RND1: variants seen among roughly 807,000 people sequenced by gnomAD.
The protein encoded by RND1 is Rho family GTPase 1.
Under a neutral mutation model 27.1 loss-of-function variants are expected in RND1, and 9 were observed. The ratio of observed to expected loss-of-function variants is 0.33; its 90% CI spans 0.20 to 0.58. The LOEUF is 0.58. Ranked by LOEUF, RND1 falls within the 20% of genes least tolerant of loss-of-function variation. The pLI, the probability that RND1 is intolerant of heterozygous loss-of-function variation, is 0.86. For missense variants in RND1, 253 were observed against 292.2 expected (o/e 0.87, Z 0.98); for synonymous variants, 108 against 115.7 (o/e 0.93, Z 0.43).
chr12:48,858,210 T>G lies in RND1; in HGVS notation c.485A>C (p.Glu162Ala). 6.2e-7 allele frequency: 1 copy of G among 1,614,046 alleles called. No individual in the cohort carries two copies. Among genetic ancestry groups the G allele is most frequent in the Non-Finnish European group, 8.5e-7 (1 of 1,179,984 alleles). The change falls in exon 5 of 5, where the codon GAA becomes GCA. Residue 162 changes from glutamate (E) to alanine (A), a missense_variant. By Grantham distance (107) the Glu-to-Ala change is moderately radical (BLOSUM62 -1). Transcript: ENST00000309739. ...GAAAGCTGAGCCTTCCAGGTAGATT[T>G]CTGCACCCAGCTGCTTTGCTATTGC... ...GCAIAKQLGA[E>A]IYLEGSAFTS... is the part of the protein sequence containing the mutation.
At chr12:48,859,577 A>G (rs554655855) in intron 4 of RND1, among the ~76,000 whole-genome samples, 9 of 152,038 alleles carry the variant, frequency 5.9e-5, no homozygotes, top group African/African-American at 2.2e-4. Flanking sequence ...GAAATTATCC[A>G]GGGGTCTTAT....
At position 48,865,546 on chromosome 12, in the gene RND1, G is replaced by C. The variant is rs544927487; in HGVS notation, c.120+102C>G. The C allele has an allele frequency of 3.0e-6, 4 of 1,351,310 alleles. No homozygotes were observed. In the African/African-American group the frequency reaches 4.3e-5, roughly 15 times the overall value. 83.7% of individuals were successfully genotyped at this position (1,351,310 alleles called of 1,614,324 possible). On this transcript the variant is annotated intron_variant, in intron 1 of 4. Transcript: ENST00000309739. ...AAAGCCTCAGAAAGCGGCTGAGGAT[G>C]GGCTGGGGCTGGGGGAGCCACGTCT...
intron 2 of RND1, among the ~76,000 whole-genome samples, chr12:48,864,385 G>GTA (rs1938955912): frequency 3.8e-5 from 1 of 26,562 alleles, no homozygotes. Context: ...GAAGTAAAAG[G>GTA]TGTGTGTGTG....
chr12:48,865,550 T>C (rs1565684289), intron 1 of RND1, 98 bp downstream of exon 1: 1 of 1,405,664 alleles, frequency 7.1e-7, no homozygotes, highest in Admixed American at 2.0e-5. Flanking sequence ...GAGGATGGGC[T>C]GGGGCTGGGG....
chr12:48,865,613 A>G, intron 1 of RND1, 35 bp downstream of exon 1: 1 of 1,589,740 alleles, frequency 6.3e-7, no homozygotes, highest in Non-Finnish European at 8.6e-7. Flanking sequence ...GCAGGCAGGG[A>G]GAAAAGCCGG....
intron 2 of RND1, among the ~76,000 whole-genome samples, chr12:48,862,744 T>C (rs1399848874): frequency 6.6e-6 from 1 of 152,128 alleles, no homozygotes; most frequent in Non-Finnish European, 1.5e-5. Flanking sequence ...GCAGCACCGA[T>C]GGCTGGGGAT....
chr12:48,860,329 C>T (rs78606364), intron 4 of RND1, among the ~76,000 whole-genome samples: 10,522 of 152,034 alleles, frequency 0.069, 1,137 homozygotes, highest in East Asian at 0.55. Context: ...AGTGATCCAT[C>T]GGCCTTGGCC....
At chr12:48,860,972 G>T (rs1398205640) in intron 4 of RND1, 25 bp downstream of exon 4, 2 of 1,612,156 alleles carry the variant, frequency 1.2e-6, no homozygotes, top group Admixed American at 1.7e-5. Flanking sequence ...TCCACCCCAC[G>T]ACATGCACTT....
intron 3 of RND1, 57 bp downstream of exon 3, chr12:48,861,952 C>A: frequency 9.9e-7 from 1 of 1,012,362 alleles, no homozygotes; most frequent in Non-Finnish European, 1.6e-6. Context: ...GACAAGGTCC[C>A]GATTCCTTCT....
intron 4 of RND1, among the ~76,000 whole-genome samples, chr12:48,860,557 ATTTTTTTT>A (rs34655698): frequency 5.7e-5 from 4 of 70,648 alleles, no homozygotes; most frequent in African/African-American, 1.2e-4. Context: ...ACACCCAGCT[ATTTTTTTT>A]TTTTTTTTTT....
intron 1 of RND1, 196 bp downstream of exon 1, chr12:48,865,452 G>C (rs748179821): frequency 3.2e-6 from 2 of 626,944 alleles, no homozygotes; most frequent in Non-Finnish European, 5.7e-6. Flanking sequence ...CGGGGCGGCA[G>C]AAGTGGAACA....
intron 4 of RND1, chr12:48,858,795 G>A (rs1207619599): frequency 6.7e-6 from 1 of 149,896 alleles, no homozygotes; most frequent in Non-Finnish European, 1.5e-5. Flanking sequence ...GATCCCTTGA[G>A]CCCAGGAGTT....
chr12:48,858,162 C>A lies in RND1; in HGVS notation c.533G>T (p.Ser178Ile). Residue 178 changes from serine (S) to isoleucine (I), a missense_variant, in exon 5 of 5, where the codon AGC becomes ATC. By Grantham distance (142) the Ser-to-Ile change is moderately radical. Coordinates refer to ENST00000309739, the MANE Select transcript of RND1 (RefSeq NM_014470.4). ...SAFTSEKSIH[S>I]IFRTASMLCL... Reference sequence around the variant, plus strand: ...CAGCATGGATGCCGTCCGAAAGATGCTGTGGATGCTCTTTTCTGAGGTGAA... The same window carrying A: ...CAGCATGGATGCCGTCCGAAAGATGATGTGGATGCTCTTTTCTGAGGTGAA... The A allele has an allele frequency of 6.2e-7, 1 of 1,614,130 alleles. No individual in the cohort carries two copies. Among genetic ancestry groups the A allele is most frequent in the Non-Finnish European group, 8.5e-7 (1 of 1,180,028 alleles).
At chr12:48,864,892 T>C in intron 1 of RND1, 22 bp from the exon 2 acceptor site, 1 of 1,564,660 alleles carries the variant, frequency 6.4e-7, no homozygotes, top group Non-Finnish European at 8.8e-7. Flanking sequence ...GAGGAAACAT[T>C]CACCCCATGC....
rs1305387114 is a variant in RND1, at chr12:48,858,144, G to C, written c.551C>G (p.Ser184Cys). The C allele has an allele frequency of 1.9e-6, 3 of 1,614,142 alleles. No individual in the cohort carries two copies. In the East Asian group the frequency reaches 6.7e-5, roughly 36 times the overall value. The change falls in exon 5 of 5, where the codon TCC becomes TGC. Residue 184 changes from serine to cysteine, a missense_variant. Physicochemically the swap from Ser to Cys is moderately radical, Grantham distance 112 (BLOSUM62 -1). Transcript: ENST00000309739. ...GCTAGGCTTGTTCAGACACAGCATG[G>C]ATGCCGTCCGAAAGATGCTGTGGAT... ...KSIHSIFRTASMLCLNKPSPL... is the reference protein window; with the variant it reads ...KSIHSIFRTACMLCLNKPSPL...
At chr12:48,864,384 GGTGTGTGTGTGT>G (rs539837491) in intron 2 of RND1, among the ~76,000 whole-genome samples, 25 of 141,796 alleles carry the variant, frequency 1.8e-4, no homozygotes, top group East Asian at 8.4e-4. Context: ...GGAAGTAAAA[GGTGTGTGTGTGT>G]GTGTGTGTGT....
intron 1 of RND1, 149 bp from the exon 2 acceptor site, chr12:48,865,019 T>G: frequency 1.5e-6 from 1 of 684,430 alleles, no homozygotes; most frequent in Non-Finnish European, 2.7e-6. Context: ...GGGAAGGGAC[T>G]GTGGAGGACC....
rs561742440 is a variant in RND1 at position 48,861,706 on chromosome 12, C to A, written c.318+303G>T. On this transcript the variant is annotated intron_variant, in intron 3 of 4. Transcript: ENST00000309739. ...TCCAAAAGGTCCCATGCCTGACCCTCATACCGTATCACCTAAAGGTTCTCT... is the reference window on the plus strand; with the variant it reads ...TCCAAAAGGTCCCATGCCTGACCCTAATACCGTATCACCTAAAGGTTCTCT... 7.9e-5 allele frequency among the ~76,000 whole-genome samples: 12 copies of A among 152,326 alleles called. No homozygotes were observed. The East Asian group carries it at 2.1e-3, about 27-fold the overall frequency.
intron 1 of RND1, 72 bp downstream of exon 1, chr12:48,865,576 A>G (rs2137511235): frequency 6.6e-7 from 1 of 1,524,826 alleles, no homozygotes; most frequent in Non-Finnish European, 8.9e-7. Flanking sequence ...ACGTCTCCTG[A>G]GCAGGTGGAA....
Sources: allele counts gnomAD v4.1 joint callset (sites outside exome capture counted in the v4.1 genomes callset), GRCh38; gene constraint gnomAD v4.1.1; transcripts MANE v1.5; gene names NCBI Gene and HGNC (gene_info 2026-07-23, HGNC 2026-07-21).